Variants in AHR observed in about 807,000 individuals in gnomAD.
AHR encodes the protein AH-receptor.
Under a neutral mutation model 86.8 loss-of-function variants are expected in AHR, and 40 were observed. The observed-to-expected ratio is 0.46, with a 90% confidence interval of 0.36 to 0.60. The LOEUF (loss-of-function observed/expected upper bound fraction) is 0.60, where lower values mean the gene tolerates loss of function less well. Among genes scored for constraint, AHR ranks in the 20% least tolerant of loss-of-function variants. The pLI, the probability that AHR is intolerant of heterozygous loss-of-function variation, is 0.00. For synonymous variants in AHR, 398 were observed against 354.9 expected, an observed-to-expected ratio of 1.12 and a Z score of -1.37; for missense variants, 1,001 against 1,011.6, an observed-to-expected ratio of 0.99 and a Z score of 0.14.
At chr7:17,340,305 T>C (rs1035724300) in intron 10 of AHR, 77 bp downstream of exon 10, 7 of 1,479,554 alleles carry the variant, frequency 4.7e-6, no homozygotes, top group Non-Finnish European at 6.3e-6. Flanking sequence ...ATTTTTTATG[T>C]CAGCTGATTT....
chr7:17,330,012 C>T lies in AHR; in HGVS notation c.511C>T (p.Gln171Ter). The change falls in exon 5 of 11, where the codon CAG (glutamine) becomes TAG (stop). Residue 171 changes from glutamine to a stop codon, truncating the protein, a stop_gained. Transcript: ENST00000242057. LOFTEE classifies it high-confidence loss of function. Reference protein sequence around the residue: ...LIHTEDRAEFQRQLHWALNPS... With the variant: ...LIHTEDRAEF ...CCATACCGAAGACCGAGCTGAATTTCAGCGTCAGCTACACTGGGCATTAAA... is the reference window on the plus strand; with the variant it reads ...CCATACCGAAGACCGAGCTGAATTTTAGCGTCAGCTACACTGGGCATTAAA... 6.2e-7 allele frequency: 1 copy of T among 1,611,120 alleles called. No individual in the cohort carries two copies. The highest frequency in any genetic ancestry group is 8.5e-7 in the Non-Finnish European group (1 of 1,177,754).
intron 1 of AHR, among the ~76,000 whole-genome samples, chr7:17,303,542 C>T (rs1352806613): frequency 6.6e-6 from 1 of 152,044 alleles, no homozygotes; most frequent in Admixed American, 6.6e-5. Context: ...AGTCTTTTCT[C>T]CTGTCTTATT....
At position 17,339,558 on chromosome 7, in the gene AHR, C is replaced by T. The variant is rs771070387; in HGVS notation, c.1733C>T (p.Thr578Met). 11 of 1,614,136 alleles carry T rather than the reference C, an allele frequency of 6.8e-6. No individual in the cohort carries two copies. Among genetic ancestry groups the T allele is most frequent in the African/African-American group, 1.3e-5 (1 of 75,038 alleles). Residue 578 changes from threonine to methionine, a missense_variant, in exon 10 of 11, where the codon ACG becomes ATG. This residue lies in a region of AHR where 607 missense variants were observed against 543.1 expected (regional missense o/e 1.12). Transcript: ENST00000242057. The stretch of plus-strand genomic sequence containing the variant: ...GTTGACTTCAGAGACATTGACTTAA[C>T]GGATGAAATCCTGACGTATGTCCAA... The part of the protein sequence containing the change: ...GEVDFRDIDL[T>M]DEILTYVQDS...
At chr7:17,300,328 A>G (rs1781942014) in intron 1 of AHR, among the ~76,000 whole-genome samples, 2 of 152,172 alleles carry the variant, frequency 1.3e-5, no homozygotes, top group Admixed American at 1.3e-4. Context: ...ATGTGTTTCA[A>G]GTTTTCGTAA....
rs752448890 is a variant in AHR at position 17,330,055 on chromosome 7, A to C, written c.554A>C (p.Glu185Ala). 2 of 1,608,884 alleles carry C rather than the reference A, an allele frequency of 1.2e-6. No homozygotes were observed. Among genetic ancestry groups the C allele is most frequent in the Admixed American group, 3.4e-5 (2 of 59,216 alleles). Residue 185 changes from glutamate (E) to alanine (A), a missense_variant, in exon 5 of 11, where the codon GAG (glutamate) becomes GCG (alanine). This residue lies in a region of AHR where 394 missense variants were observed against 468.5 expected (regional missense o/e 0.84). Transcript: ENST00000242057. ...HWALNPSQCT[E>A]SGQGIEEATG... is the part of the protein sequence containing the mutation. The stretch of plus-strand genomic sequence containing the variant: ...GCATTAAATCCTTCTCAGTGTACAG[A>C]GTCTGGACAAGGAATTGAAGGTAAG...
Position 17,309,993 on chromosome 7 carries a change from C to T in AHR, c.123C>T (p.Asp41=), listed in dbSNP as rs1782045694. 1 of 1,611,726 alleles carries T rather than the reference C, an allele frequency of 6.2e-7. No individual in the cohort carries two copies. The highest frequency in any genetic ancestry group is 2.2e-5 in the East Asian group (1 of 44,866). The change falls in exon 2 of 11, where the codon GAC becomes GAT. Residue 41 remains aspartate (D), a synonymous_variant. Transcript: ENST00000242057. ...CAAATCCTTCCAAGCGGCATAGAGA[C>T]CGACTTAATACAGAGTTGGACCGTT... ...IKSNPSKRHR[D]RLNTELDRLA...
chr7:17,339,943 T>C lies in AHR; in HGVS notation c.2118T>C (p.Pro706=). ...YTQNFISCNQ[P]VLPQHSKCTE... is the part of the protein sequence containing the mutation. ...AGAACTTTATTTCCTGTAATCAGCC[T>C]GTATTACCACAACATTCCAAATGTA... The change falls in exon 10 of 11, where the codon CCT becomes CCC. Residue 706 remains proline (P), a synonymous_variant. Transcript: ENST00000242057. 5.6e-6 allele frequency: 9 copies of C among 1,614,222 alleles called. No homozygotes were observed. Among genetic ancestry groups the C allele is most frequent in the Non-Finnish European group, 7.6e-6 (9 of 1,180,014 alleles).
At position 17,326,103 on chromosome 7, in the gene AHR, A is replaced by G. The variant is rs539720568; in HGVS notation, c.361-1656A>G. Among the ~76,000 whole-genome samples the G allele has an allele frequency of 2.0e-5, 3 of 152,290 alleles. No individual in the cohort carries two copies. In the East Asian group the frequency reaches 5.8e-4, roughly 29 times the overall value. ...TTTTCTGGCTATGTGACCTTGGGCA[A>G]GTTACTTTTAAAGGTATAGTCCTTG... On this transcript the variant is annotated intron_variant, in intron 3 of 10. Coordinates refer to ENST00000242057, the MANE Select transcript of AHR (RefSeq NM_001621.5).
chr7:17,340,199 C>T lies in AHR; in HGVS notation c.2374C>T (p.Leu792=), dbSNP rs1026023789. Residue 792 remains leucine (L), a synonymous_variant, in exon 10 of 11, where the codon CTG becomes TTG. Transcript: ENST00000242057. ...GGGTCAGATGCAGTACAATCCAGTACTGCCAGGCCAACAGGCATTTTTAAA... is the reference window on the plus strand; with the variant it reads ...GGGTCAGATGCAGTACAATCCAGTATTGCCAGGCCAACAGGCATTTTTAAA... The part of the protein sequence containing the change: ...HVGQMQYNPV[L]PGQQAFLNKF... 1 of 1,610,648 alleles carries T rather than the reference C, an allele frequency of 6.2e-7. No homozygotes were observed. The highest frequency in any genetic ancestry group is 8.5e-7 in the Non-Finnish European group (1 of 1,178,012).
At chr7:17,341,578 T>G (rs1782424609) in intron 10 of AHR, among the ~76,000 whole-genome samples, 1 of 152,158 alleles carries the variant, frequency 6.6e-6, no homozygotes, top group Non-Finnish European at 1.5e-5. Context: ...ATTGAGCCAC[T>G]GAGTAGCTGT....
chr7:17,316,094 A>C lies in AHR; in HGVS notation c.253+5971A>C, dbSNP rs564212699. Among the ~76,000 whole-genome samples the C allele has an allele frequency of 5.9e-5, 9 of 152,342 alleles. No homozygotes were observed. In the South Asian group the frequency reaches 1.9e-3, roughly 32 times the overall value. On this transcript the variant is annotated intron_variant, in intron 2 of 10. Coordinates refer to ENST00000242057, the MANE Select transcript of AHR (RefSeq NM_001621.5). ...TATGCTAAGGTGATAGAGTTGACTT[A>C]AGATACTTTCATTTGATGTGTTCTT...
Position 17,344,515 on chromosome 7 carries a change from C to T in AHR, c.*1451C>T, listed in dbSNP as rs1782460870. ...ACCACATAGTTCGTTTACCTTCAAA[C>T]TTTAGGTTTTTTTAATGATATACTG... On this transcript the variant is annotated 3_prime_UTR_variant, in exon 11 of 11. Transcript: ENST00000242057. 6.6e-6 allele frequency: 1 copy of T among 151,726 alleles called. No individual in the cohort carries two copies. 9.4% of individuals were successfully genotyped at this position (151,726 alleles called of 1,614,324 possible).
intron 1 of AHR, 146 bp downstream of exon 1, chr7:17,299,475 C>A: frequency 1.1e-6 from 1 of 889,186 alleles, no homozygotes; most frequent in South Asian, 1.7e-5. Context: ...GGTTTGGAGG[C>A]CGGCTGGGAG....
intron 5 of AHR, 81 bp from the exon 6 acceptor site, chr7:17,330,675 C>A: frequency 1.5e-6 from 2 of 1,305,330 alleles, no homozygotes; most frequent in Middle Eastern, 2.0e-4. Flanking sequence ...AGTTTAGAAA[C>A]TAATACAAAT....
At chr7:17,317,346 T>C (rs983372741) in intron 2 of AHR, among the ~76,000 whole-genome samples, 3 of 152,134 alleles carry the variant, frequency 2.0e-5, no homozygotes, top group African/African-American at 7.2e-5. Context: ...AAAAGTGTGA[T>C]AGCTTGCTTT....
chr7:17,308,730 C>T (rs1041191446), intron 1 of AHR, among the ~76,000 whole-genome samples: 3 of 151,654 alleles, frequency 2.0e-5, no homozygotes, highest in South Asian at 2.1e-4. Flanking sequence ...CACACACACA[C>T]ATCATTTTAC....
chr7:17,312,415 G>A (rs1024198108), intron 2 of AHR, among the ~76,000 whole-genome samples: 1 of 152,126 alleles, frequency 6.6e-6, no homozygotes, highest in Non-Finnish European at 1.5e-5. Flanking sequence ...ACATATGTGT[G>A]TATCTAGACA....
intron 6 of AHR, among the ~76,000 whole-genome samples, chr7:17,331,993 G>T (rs1476235341): frequency 1.3e-5 from 2 of 151,904 alleles, no homozygotes; most frequent in East Asian, 3.8e-4. Flanking sequence ...CAGTGTTATT[G>T]CTCATGAACA....
intron 1 of AHR, among the ~76,000 whole-genome samples, chr7:17,307,241 C>T (rs1449365470): frequency 1.3e-5 from 2 of 152,100 alleles, no homozygotes; most frequent in African/African-American, 4.8e-5. Flanking sequence ...ACTCTCTTCT[C>T]TCCAGTGTTT....
Sources: allele counts gnomAD v4.1 joint callset (sites outside exome capture counted in the v4.1 genomes callset), GRCh38; gene constraint gnomAD v4.1.1; regional missense constraint gnomAD v4.1.1; transcripts MANE v1.5; gene names NCBI Gene and HGNC (gene_info 2026-07-23, HGNC 2026-07-21).